The following PIAS2 variants were observed in gnomAD, a reference collection of about 807,000 sequenced individuals.
PIAS2 encodes the protein E3 SUMO-protein ligase PIAS2.
In PIAS2, 19 loss-of-function variants were observed where a neutral mutation model predicts 69.7. That is an observed-to-expected ratio of 0.27 (90% CI 0.19 to 0.40). The LOEUF is 0.40. PIAS2 is among the 10% of genes least tolerant of loss of function. The pLI is 1.00. For synonymous variants in PIAS2, 261 were observed against 263.2 expected (o/e 0.99, Z 0.08); for missense variants, 624 against 757.0 (o/e 0.82, Z 2.06).
intron 1 of PIAS2, among the ~76,000 whole-genome samples, chr18:46,916,073 G>A (rs1049140075): frequency 6.6e-6 from 1 of 152,160 alleles, no homozygotes; most frequent in South Asian, 2.1e-4. Flanking sequence ...AACTAGTATG[G>A]GGCATAACAT....
chr18:46,840,559 T>C (rs1347688029), intron 8 of PIAS2, among the ~76,000 whole-genome samples: 2 of 152,188 alleles, frequency 1.3e-5, no homozygotes, highest in East Asian at 3.8e-4. Context: ...GCCTTAAAAT[T>C]TCCACAGCAT....
At chr18:46,856,166 C>T (rs562264549) in intron 3 of PIAS2, among the ~76,000 whole-genome samples, 46 of 151,870 alleles carry the variant, frequency 3.0e-4, no homozygotes, top group African/African-American at 1.0e-3. Flanking sequence ...CCACCACGCC[C>T]GGCTAATTTT....
At chr18:46,870,480 G>A (rs1224131137) in intron 2 of PIAS2, among the ~76,000 whole-genome samples, 1 of 152,014 alleles carries the variant, frequency 6.6e-6, no homozygotes, top group Non-Finnish European at 1.5e-5. Flanking sequence ...GCCAGACGTG[G>A]TGACGGGCGC....
At chr18:46,815,781 C>T (rs2041453787) in intron 12 of PIAS2, 3 of 997,592 alleles carry the variant, frequency 3.0e-6, no homozygotes, top group Non-Finnish European at 3.6e-6. Flanking sequence ...GCTTCTTAAA[C>T]AGATGTCTAT....
At chr18:46,886,299 G>C in intron 2 of PIAS2, among the ~76,000 whole-genome samples, 1 of 152,194 alleles carries the variant, frequency 6.6e-6, no homozygotes, top group East Asian at 1.9e-4. Flanking sequence ...AAATTTGCTA[G>C]TCCTTCAACA....
intron 2 of PIAS2, among the ~76,000 whole-genome samples, chr18:46,876,029 T>C (rs2051129122): frequency 6.6e-6 from 1 of 152,204 alleles, no homozygotes; most frequent in African/African-American, 2.4e-5. Context: ...CTTGGAGACC[T>C]AAAGGGATGC....
intron 1 of PIAS2, among the ~76,000 whole-genome samples, chr18:46,909,603 G>A (rs1173589469): frequency 6.6e-6 from 1 of 152,200 alleles, no homozygotes; most frequent in East Asian, 1.9e-4. Flanking sequence ...GCTGAGTAAT[G>A]AAAACTTCTG....
At position 46,846,818 on chromosome 18, in the gene PIAS2, A is replaced by G; in HGVS notation, c.750T>C (p.Asn250=). Residue 250 remains asparagine (N), a synonymous_variant, in exon 6 of 14, where the codon AAT becomes AAC. Coordinates refer to ENST00000585916, the MANE Select transcript of PIAS2 (RefSeq NM_004671.5). The part of the protein sequence containing the change: ...PLPGYAPPPK[N]GIEQKRPGRP... ...GTCCAGGGCGCTTCTGTTCAATCCC[A>G]TTTTTAGGCGGTGGTGCATAGCCCT... is the stretch of plus-strand genomic sequence containing the variant. The G allele has an allele frequency of 1.2e-6, 2 of 1,609,152 alleles. No individual in the cohort carries two copies. The highest frequency in any genetic ancestry group is 2.2e-5 in the East Asian group (1 of 44,746).
chr18:46,844,812 G>T lies in PIAS2; in HGVS notation c.889C>A (p.Arg297=). 2 of 1,464,474 alleles carry T rather than the reference G, an allele frequency of 1.4e-6. No homozygotes were observed. Among genetic ancestry groups the T allele is most frequent in the Non-Finnish European group, 1.8e-6 (2 of 1,104,290 alleles). The allele number at this position is 1,464,474 out of a possible 1,614,324, so 90.7% of individuals were successfully genotyped here. ...AATAACATGGCTGATGTAAGCTGCC[G>T]TACAAGATATACAGACATAGAGTAA... ...KNYSMSVYLV[R]QLTSAMLLQR... is the part of the protein sequence containing the mutation. Residue 297 remains arginine, a synonymous_variant, in exon 7 of 14, where the codon CGG becomes AGG. Coordinates refer to ENST00000585916, the MANE Select transcript of PIAS2 (RefSeq NM_004671.5).
rs74562954 is a variant in PIAS2 at position 46,885,000 on chromosome 18, T to C, written c.499+5580A>G. Among the ~76,000 whole-genome samples the C allele has an allele frequency of 6.9e-4, 105 of 151,632 alleles. 1 individual carries two copies. The East Asian group carries it at 0.02, about 28-fold the overall frequency. ...AGGATGGTTATTTAAGGAAAGAAAA[T>C]GGAGATTTTTGCTAGTTTGTTTTTA... On this transcript the variant is annotated intron_variant, in intron 2 of 13. Transcript: ENST00000585916.
upstream of PIAS2, among the ~76,000 whole-genome samples, chr18:46,918,828 G>T (rs998622046): frequency 6.6e-6 from 1 of 152,010 alleles, no homozygotes; most frequent in Admixed American, 6.6e-5. Context: ...TTCACTTTAA[G>T]TGTCACTTCC....
intron 12 of PIAS2, among the ~76,000 whole-genome samples, chr18:46,820,597 G>T (rs998528969): frequency 6.6e-6 from 1 of 152,100 alleles, no homozygotes; most frequent in Non-Finnish European, 1.5e-5. Flanking sequence ...GAGCTACCAA[G>T]AAGAGTATGA....
At position 46,890,650 on chromosome 18, in the gene PIAS2, A is replaced by G. The variant is rs1222802536; in HGVS notation, c.429T>C (p.His143=). ...GCAGATTTTTTAACTGCACATCAGG[A>G]TGGACAGGAGGAATTGGGGGAGATG... The part of the protein sequence containing the change: ...QQPSPPIPPV[H]PDVQLKNLPF... Residue 143 remains histidine (H), a synonymous_variant, in exon 2 of 14, where the codon CAT becomes CAC. Transcript: ENST00000585916. 1.2e-6 allele frequency: 2 copies of G among 1,614,156 alleles called. No individual in the cohort carries two copies. The highest frequency in any genetic ancestry group is 8.5e-7 in the Non-Finnish European group (1 of 1,180,020).
chr18:46,816,472 T>A, intron 12 of PIAS2: 1 of 353,442 alleles, frequency 2.8e-6, no homozygotes, highest in Non-Finnish European at 3.9e-6. Context: ...TTGCTACAGA[T>A]TTTTTTTTTT....
Position 46,840,360 on chromosome 18 carries a change from C to T in PIAS2, c.1041+3694G>A, listed in dbSNP as rs867281685. 8.5e-5 allele frequency among the ~76,000 whole-genome samples: 13 copies of T among 152,262 alleles called. No homozygotes were observed. In the South Asian group the frequency reaches 1.2e-3, roughly 15 times the overall value. On this transcript the variant is annotated intron_variant, in intron 8 of 13. Coordinates refer to ENST00000585916, the MANE Select transcript of PIAS2 (RefSeq NM_004671.5). ...AACCCACGTTAAACATCACTTTATG[C>T]TCCTAAGAGAAAAAGAACACAAAAT...
chr18:46,817,627 A>G, intron 12 of PIAS2: 1 of 962,822 alleles, frequency 1.0e-6, no homozygotes, highest in African/African-American at 1.8e-5. Flanking sequence ...ATACAACACC[A>G]TAATAAAATA....
At chr18:46,880,947 T>C (rs2052138481) in intron 2 of PIAS2, among the ~76,000 whole-genome samples, 1 of 152,244 alleles carries the variant, frequency 6.6e-6, no homozygotes, top group African/African-American at 2.4e-5. Flanking sequence ...CAGCAAAGTT[T>C]TTCTAATTTA....
chr18:46,884,918 A>G (rs1457870543), intron 2 of PIAS2, among the ~76,000 whole-genome samples: 2 of 151,896 alleles, frequency 1.3e-5, no homozygotes, highest in Non-Finnish European at 2.9e-5. Flanking sequence ...TCTGTCTCAA[A>G]AAAAAAAAAA....
Position 46,812,136 on chromosome 18 carries a change from C to T in PIAS2, c.*297G>A, listed in dbSNP as rs2041042556. The T allele has an allele frequency of 4.8e-6, 1 of 209,440 alleles. No individual in the cohort carries two copies. Among genetic ancestry groups the T allele is most frequent in the African/African-American group, 2.3e-5 (1 of 43,636 alleles). 13.0% of individuals were successfully genotyped at this position (209,440 alleles called of 1,614,324 possible). ...TTTATTTTAACAAAAACTTTTTTCACTGATTTGTAGACTCCATCCATTAAC... is the reference window on the plus strand; with the variant it reads ...TTTATTTTAACAAAAACTTTTTTCATTGATTTGTAGACTCCATCCATTAAC... On this transcript the variant is annotated 3_prime_UTR_variant, in exon 14 of 14. Coordinates refer to ENST00000585916, the MANE Select transcript of PIAS2 (RefSeq NM_004671.5).
Sources: allele counts gnomAD v4.1 joint callset (sites outside exome capture counted in the v4.1 genomes callset), GRCh38; gene constraint gnomAD v4.1.1; transcripts MANE v1.5; gene names NCBI Gene and HGNC (gene_info 2026-07-23, HGNC 2026-07-21).